Variants in GPR19 observed in about 807,000 individuals in gnomAD.
The protein encoded by GPR19 is probable G protein-coupled receptor 19.
In GPR19, 14 loss-of-function variants were observed where a neutral mutation model predicts 28.5. That is an observed-to-expected ratio of 0.49 (90% CI 0.32 to 0.77). The LOEUF (loss-of-function observed/expected upper bound fraction) is 0.77. Ranked by LOEUF, GPR19 falls within the 30% of genes least tolerant of loss-of-function variation. GPR19 has a pLI of 0.03. For synonymous variants in GPR19, 173 were observed against 184.1 expected (o/e 0.94, Z 0.49); for missense variants, 409 against 504.1 (o/e 0.81, Z 1.81).
At chr12:12,717,240 G>GT in the GPR19 span, 1 of 1,054,998 alleles carries the variant, frequency 9.5e-7, no homozygotes, top group African/African-American at 1.7e-5. Context: ...CGGGAACGAG[G>GT]GGAGGTGGCG....
chr12:12,716,440 A>G, the GPR19 span, among the ~76,000 whole-genome samples: 1 of 152,068 alleles, frequency 6.6e-6, no homozygotes, highest in Non-Finnish European at 1.5e-5. Flanking sequence ...CAATCCCGGG[A>G]AAGAACAGAA....
At chr12:12,708,230 C>A in the GPR19 span, among the ~76,000 whole-genome samples, 1 of 151,928 alleles carries the variant, frequency 6.6e-6, no homozygotes, top group Non-Finnish European at 1.5e-5. Context: ...AACTTCTGGG[C>A]TCAAACCATC....
intron 3 of GPR19, among the ~76,000 whole-genome samples, chr12:12,672,179 T>G (rs7979078): frequency 0.055 from 8,330 of 152,298 alleles, 477 homozygotes; most frequent in African/African-American, 0.14. Context: ...AAGGTTTAAG[T>G]TGACCACAGG....
rs1202715327 is a variant in GPR19, at chr12:12,662,327, A to G, written c.122T>C (p.Met41Thr). The change falls in exon 4 of 4, where the codon ATG (methionine) becomes ACG (threonine). Residue 41 changes from methionine to threonine, a missense_variant. Met to Thr is a moderately conservative substitution (Grantham distance 81). Transcript: ENST00000651487. Reference protein sequence around the residue: ...TATPLPSQYLMELSEEHSWMS... With the variant: ...TATPLPSQYLTELSEEHSWMS... Reference sequence around the variant, plus strand: ...CCAACTGTGCTCCTCACTTAATTCCATCAGGTATTGGCTTGGCAGAGGTGT... The same window carrying G: ...CCAACTGTGCTCCTCACTTAATTCCGTCAGGTATTGGCTTGGCAGAGGTGT... 1 of 1,614,072 alleles carries G rather than the reference A, an allele frequency of 6.2e-7. No individual in the cohort carries two copies. The highest frequency in any genetic ancestry group is 1.3e-5 in the African/African-American group (1 of 74,920).
intron 3 of GPR19, among the ~76,000 whole-genome samples, chr12:12,664,919 CAAAAAAAAAAAAAAAA>C (rs746346681): frequency 6.4e-5 from 2 of 31,084 alleles, no homozygotes; most frequent in African/African-American, 1.9e-4. Flanking sequence ...GACGCCATCT[CAAAAAAAAAAAAAAAA>C]AAAAAAAAAA....
At chr12:12,675,340 G>A (rs1157665830) in intron 3 of GPR19, among the ~76,000 whole-genome samples, 1 of 152,146 alleles carries the variant, frequency 6.6e-6, no homozygotes, top group Non-Finnish European at 1.5e-5. Flanking sequence ...TCTCAGTAAT[G>A]TTTGCCATTG....
chr12:12,706,559 A>G, the GPR19 span, among the ~76,000 whole-genome samples: 3 of 152,114 alleles, frequency 2.0e-5, no homozygotes, highest in Non-Finnish European at 4.4e-5. Flanking sequence ...TCACATATCC[A>G]TCTGCTTACT....
rs541243725 is a variant in GPR19, at chr12:12,671,162, C to T, written c.-22-8692G>A. ...AAAAATAAAAAAAAAAAAAATTAGC[C>T]GGGTGTGGCGGCTGGTGCCTGTAAT... On this transcript the variant is annotated intron_variant, in intron 3 of 3. Transcript: ENST00000651487. Among the ~76,000 whole-genome samples, 407 of 151,748 alleles carry T rather than the reference C, an allele frequency of 2.7e-3. 2 individuals are homozygous for T. The highest frequency in any genetic ancestry group is 9.3e-3 in the African/African-American group (385 of 41,386).
Position 12,661,216 on chromosome 12 carries a change from T to C in GPR19, c.1233A>G (p.Pro411=). ...KLAWPINSNP[P]NTFV Reference sequence around the variant, plus strand: ...GAATGAGAACTTAGACAAAAGTATTTGGTGGATTTGAGTTAATGGGCCAAG... The same window carrying C: ...GAATGAGAACTTAGACAAAAGTATTCGGTGGATTTGAGTTAATGGGCCAAG... The change falls in exon 4 of 4, where the codon CCA becomes CCG. Residue 411 remains proline, a synonymous_variant. Transcript: ENST00000651487. The surrounding 1 kb of genome is among the most constrained non-coding windows in gnomAD (Gnocchi z 4.2). 1 of 1,604,106 alleles carries C rather than the reference T, an allele frequency of 6.2e-7. No individual in the cohort carries two copies.
At chr12:12,690,838 A>G (rs1946169763) in intron 2 of GPR19, among the ~76,000 whole-genome samples, 1 of 152,198 alleles carries the variant, frequency 6.6e-6, no homozygotes, top group Non-Finnish European at 1.5e-5. Context: ...GAGTTCCCAT[A>G]CTATCTTCTC....
chr12:12,682,004 T>A (rs779844716), intron 3 of GPR19, among the ~76,000 whole-genome samples: 2 of 152,216 alleles, frequency 1.3e-5, no homozygotes, highest in Admixed American at 6.5e-5. Flanking sequence ...GTGAGCTTTC[T>A]ATACAGAGTT....
In GPR19 at chr12:12,661,401, T is replaced by C. The variant is rs762578325; in HGVS notation, c.1048A>G (p.Met350Val). Residue 350 changes from methionine (M) to valine (V), a missense_variant, in exon 4 of 4, where the codon ATG becomes GTG. Transcript: ENST00000651487. The surrounding 1 kb of genome is among the most constrained non-coding windows in gnomAD (Gnocchi z 4.2). ...TAGGCATTGCTTCGGTAACATTTCA[T>C]AGAGGACATGCAAAAAGTCTCTTTC... ...GMKETFCMSS[M>V]KCYRSNAYTI... 2 of 1,613,324 alleles carry C rather than the reference T, an allele frequency of 1.2e-6. No homozygotes were observed. The highest frequency in any genetic ancestry group is 1.1e-5 in the South Asian group (1 of 91,066).
At chr12:12,701,065 C>T (rs1946320310), upstream of GPR19, among the ~76,000 whole-genome samples, 2 of 152,074 alleles carry the variant, frequency 1.3e-5, no homozygotes, top group South Asian at 2.1e-4. Context: ...ATTAAAAATC[C>T]GATCGAGGAT....
At chr12:12,689,432 C>T (rs988189073) in intron 2 of GPR19, among the ~76,000 whole-genome samples, 12 of 152,170 alleles carry the variant, frequency 7.9e-5, no homozygotes, top group African/African-American at 2.9e-4. Context: ...ATTATACCCC[C>T]ACTTCCCCCC....
upstream of GPR19, among the ~76,000 whole-genome samples, chr12:12,696,382 C>T (rs1256231200): frequency 9.0e-6 from 1 of 111,680 alleles, no homozygotes; most frequent in Admixed American, 1.3e-4. Context: ...TTTTGCTGCC[C>T]CAGTGGATTA....
intron 2 of GPR19, among the ~76,000 whole-genome samples, chr12:12,685,285 G>T (rs978599353): frequency 2.7e-5 from 4 of 149,818 alleles, no homozygotes; most frequent in African/African-American, 7.4e-5. Context: ...TTTTTGGTGG[G>T]GGGGAGGGAG....
chr12:12,683,725 TTTG>T (rs1299546305), intron 3 of GPR19, among the ~76,000 whole-genome samples: 4 of 152,176 alleles, frequency 2.6e-5, no homozygotes, highest in Non-Finnish European at 4.4e-5. Context: ...GACATGAAAA[TTTG>T]AGTTCACGGC....
chr12:12,708,746 C>T, the GPR19 span, among the ~76,000 whole-genome samples: 1 of 152,158 alleles, frequency 6.6e-6, no homozygotes, highest in Non-Finnish European at 1.5e-5. Context: ...ACCAGGGAAC[C>T]TGCTTTAAAG....
chr12:12,716,872 C>T, the GPR19 span: 2 of 984,330 alleles, frequency 2.0e-6, no homozygotes, highest in Admixed American at 1.2e-4. Flanking sequence ...AAACGCTCCG[C>T]GGCCTCCCCC....
Sources: gnomAD v4.1 joint callset for allele counts (sites outside exome capture counted in the v4.1 genomes callset) on GRCh38, gnomAD v4.1.1 for gene constraint, Gnocchi (gnomAD v3.1) non-coding constraint, MANE v1.5 for transcripts, NCBI Gene and HGNC (gene_info 2026-07-23, HGNC 2026-07-21) for gene names.